Variants in CPEB3 observed in about 807,000 individuals in gnomAD.
CPEB3 encodes the protein cytoplasmic polyadenylation element binding protein 3, also known as cytoplasmic polyadenylation element-binding protein 3.
Under a neutral mutation model 67.2 loss-of-function variants are expected in CPEB3, and 20 were observed. That is an observed-to-expected ratio of 0.30 (90% CI 0.21 to 0.43). CPEB3 has a LOEUF of 0.43. CPEB3 is among the 20% of genes least tolerant of loss of function. CPEB3 has a pLI of 1.00. For missense variants in CPEB3, 746 were observed against 968.6 expected, an observed-to-expected ratio of 0.77 and a Z score of 3.05; for synonymous variants, 376 against 393.1, an observed-to-expected ratio of 0.96 and a Z score of 0.51.
intron 4 of CPEB3, among the ~76,000 whole-genome samples, chr10:92,164,121 T>TCA (rs1463742786): frequency 2.6e-5 from 4 of 152,196 alleles, no homozygotes; most frequent in Admixed American, 2.0e-4. Context: ...TAATTTATCA[T>TCA]GTTCCAGGCA....
At chr10:92,068,345 G>A (rs575863545) in intron 9 of CPEB3, among the ~76,000 whole-genome samples, 29 of 152,236 alleles carry the variant, frequency 1.9e-4, no homozygotes, top group African/African-American at 4.8e-4. Context: ...CAAGAAAATC[G>A]TTAAAAATGT....
intron 2 of CPEB3, among the ~76,000 whole-genome samples, chr10:92,209,293 T>C (rs1286661222): frequency 1.3e-5 from 2 of 152,200 alleles, no homozygotes; most frequent in African/African-American, 4.8e-5. Flanking sequence ...GGGAGGCCGA[T>C]GCAGGCAGAT....
intron 1 of CPEB3, among the ~76,000 whole-genome samples, chr10:92,264,369 A>G (rs761792604): frequency 6.6e-6 from 1 of 151,546 alleles, no homozygotes; most frequent in Non-Finnish European, 1.5e-5. Flanking sequence ...AATTTACCCA[A>G]GGTGACATAA....
chr10:92,263,610 C>T (rs1852907331), intron 1 of CPEB3, among the ~76,000 whole-genome samples: 1 of 152,146 alleles, frequency 6.6e-6, no homozygotes, highest in Non-Finnish European at 1.5e-5. Context: ...CTTGTCCTAC[C>T]TCTTCCTATA....
chr10:92,288,411 C>T (rs534561734), intron 1 of CPEB3, among the ~76,000 whole-genome samples: 26 of 148,788 alleles, frequency 1.7e-4, no homozygotes, highest in African/African-American at 5.7e-4. Flanking sequence ...AGTGAGCTGG[C>T]GCCACTGCAC....
intron 4 of CPEB3, among the ~76,000 whole-genome samples, chr10:92,154,866 A>G (rs890312137): frequency 6.6e-6 from 1 of 152,234 alleles, no homozygotes; most frequent in Non-Finnish European, 1.5e-5. Context: ...ATTCTTGCTG[A>G]CAGAACTAAA....
At chr10:92,148,120 C>T (rs1410852417) in intron 4 of CPEB3, among the ~76,000 whole-genome samples, 1 of 152,140 alleles carries the variant, frequency 6.6e-6, no homozygotes, top group Non-Finnish European at 1.5e-5. Flanking sequence ...CATGTAAGCA[C>T]ACTCCTCACC....
At chr10:92,220,953 A>G (rs1850671344) in intron 2 of CPEB3, among the ~76,000 whole-genome samples, 1 of 152,186 alleles carries the variant, frequency 6.6e-6, no homozygotes, top group South Asian at 2.1e-4. Context: ...GGCCTCTCAC[A>G]GATGCCCCTC....
Position 92,171,862 on chromosome 10 carries a change from G to A in CPEB3, c.1222+9101C>T, listed in dbSNP as rs138800146. The stretch of plus-strand genomic sequence containing the variant: ...ACTCCTGACCTCAGGTGATCCACCC[G>A]CCTCAGCCTCCCAAAGTGCTGGGAA... On this transcript the variant is annotated intron_variant, in intron 4 of 9. Transcript: ENST00000265997. 5.5e-3 allele frequency among the ~76,000 whole-genome samples: 830 copies of A among 152,178 alleles called. 8 individuals carry two copies. The highest frequency in any genetic ancestry group is 0.019 in the African/African-American group (790 of 41,520).
chr10:92,186,859 GA>G (rs1848719666), intron 3 of CPEB3, among the ~76,000 whole-genome samples: 1 of 152,084 alleles, frequency 6.6e-6, no homozygotes, highest in Non-Finnish European at 1.5e-5. Context: ...TACAAAACAA[GA>G]ACCATCACTT....
chr10:92,252,968 G>GGCTGGAGT (rs1356039053), intron 1 of CPEB3, among the ~76,000 whole-genome samples: 4 of 151,802 alleles, frequency 2.6e-5, no homozygotes, highest in Non-Finnish European at 5.9e-5. Context: ...CTGTTGCCTA[G>GGCTGGAGT]GCTGGAGTGA....
chr10:92,056,117 G>C (rs1388800475), intron 9 of CPEB3, among the ~76,000 whole-genome samples: 1 of 152,222 alleles, frequency 6.6e-6, no homozygotes, highest in Non-Finnish European at 1.5e-5. Flanking sequence ...CCAGAGGGCA[G>C]TCTTCCAGAT....
intron 1 of CPEB3, among the ~76,000 whole-genome samples, chr10:92,270,815 C>T (rs1459384125): frequency 6.6e-6 from 1 of 151,922 alleles, no homozygotes; most frequent in Non-Finnish European, 1.5e-5. Flanking sequence ...AGTGATTCGC[C>T]CATCTTGGCC....
intron 2 of CPEB3, among the ~76,000 whole-genome samples, chr10:92,215,105 C>T (rs1289581207): frequency 6.6e-6 from 1 of 151,932 alleles, no homozygotes; most frequent in African/African-American, 2.4e-5. Flanking sequence ...ACCTTGGCCA[C>T]CCAAAGTGCT....
At position 92,211,150 on chromosome 10, in the gene CPEB3, C is replaced by A. The variant is rs553969744; in HGVS notation, c.1006-18514G>T. 9.2e-5 allele frequency among the ~76,000 whole-genome samples: 14 copies of A among 152,264 alleles called. No homozygotes were observed. The East Asian group carries it at 1.2e-3, about 13-fold the overall frequency. ...AATATATGTAAAATGCTTTTGTCAG[C>A]TATAAAGAAAGCACCACATAAAATA... On this transcript the variant is annotated intron_variant, in intron 2 of 9. Coordinates refer to ENST00000265997, the MANE Select transcript of CPEB3 (RefSeq NM_014912.5).
chr10:92,217,334 C>T (rs987908480), intron 2 of CPEB3, among the ~76,000 whole-genome samples: 11 of 149,994 alleles, frequency 7.3e-5, no homozygotes, highest in Non-Finnish European at 1.5e-4. Flanking sequence ...ATATAAACCA[C>T]TATGGTGGCA....
Position 92,192,518 on chromosome 10 carries a change from G to C in CPEB3, c.1124C>G (p.Pro375Arg). The C allele has an allele frequency of 1.2e-6, 2 of 1,613,970 alleles. No individual in the cohort carries two copies. The highest frequency in any genetic ancestry group is 1.7e-6 in the Non-Finnish European group (2 of 1,179,894). ...KGKHYPPSGP[P>R]MSFADIMWRN... ...CCACATTATATCAGCGAAACTCATT[G>C]GTGGGCCACTGGGAGGGTAGTGTTT... is the stretch of plus-strand genomic sequence containing the variant. The change falls in exon 3 of 10, where the codon CCA (proline) becomes CGA (arginine). Residue 375 changes from proline to arginine, a missense_variant. Coordinates refer to ENST00000265997, the MANE Select transcript of CPEB3 (RefSeq NM_014912.5).
At chr10:92,183,901 T>C (rs1429086923) in intron 3 of CPEB3, among the ~76,000 whole-genome samples, 1 of 152,250 alleles carries the variant, frequency 6.6e-6, no homozygotes, top group Non-Finnish European at 1.5e-5. Context: ...TAAAGAATTA[T>C]GTAGTTTACA....
Position 92,181,260 on chromosome 10 carries a change from T to C in CPEB3, c.1166-241A>G, listed in dbSNP as rs568115417. Among the ~76,000 whole-genome samples, 4 of 150,424 alleles carry C rather than the reference T, an allele frequency of 2.7e-5. No homozygotes were observed. The East Asian group carries it at 7.8e-4, about 29-fold the overall frequency. On this transcript the variant is annotated intron_variant, in intron 3 of 9. Coordinates refer to ENST00000265997, the MANE Select transcript of CPEB3 (RefSeq NM_014912.5). ...ACAAAAAAAGAAGCTTCTGTTATAA[T>C]AGTCTGAAATTTAACACATCTCCTG...
Sources: allele counts gnomAD v4.1 joint callset (sites outside exome capture counted in the v4.1 genomes callset), GRCh38; gene constraint gnomAD v4.1.1; transcripts MANE v1.5; gene names NCBI Gene and HGNC (gene_info 2026-07-23, HGNC 2026-07-21).